CCDC148: variants seen among roughly 807,000 people sequenced by gnomAD.
CCDC148 encodes the protein coiled-coil domain-containing protein 148.
Under a neutral mutation model 85.7 loss-of-function variants are expected in CCDC148, and 89 were observed. The ratio of observed to expected loss-of-function variants is 1.04; its 90% CI spans 0.87 to 1.24. The LOEUF (loss-of-function observed/expected upper bound fraction) is 1.24, where lower values mean the gene tolerates loss of function less well. Ranked by LOEUF, CCDC148 falls within the 50% of genes most tolerant of loss-of-function variation. The probability of loss-of-function intolerance (pLI) is 0.00; values close to 1 mark genes in which losing one functional copy is unlikely to be tolerated. For synonymous variants in CCDC148, 230 were observed against 213.9 expected, an observed-to-expected ratio of 1.08 and a Z score of -0.66; for missense variants, 692 against 671.7, an observed-to-expected ratio of 1.03 and a Z score of -0.33.
Position 158,443,927 on chromosome 2 carries a change from C to G in CCDC148, c.25+12488G>C, listed in dbSNP as rs150913319. Among the ~76,000 whole-genome samples the G allele has an allele frequency of 4.4e-3, 666 of 152,230 alleles. 2 individuals carry two copies. The highest frequency in any genetic ancestry group is 7.3e-3 in the Non-Finnish European group (497 of 68,018). On this transcript the variant is annotated intron_variant, in intron 1 of 13. Coordinates refer to ENST00000283233, the MANE Select transcript of CCDC148 (RefSeq NM_138803.4). ...TTTATCAGCTTTTAAAACACAGAAG[C>G]CATAGTCAATAGGTTGCAATTCAAT...
At chr2:158,324,596 T>C (rs577415582) in intron 7 of CCDC148, among the ~76,000 whole-genome samples, 1 of 152,272 alleles carries the variant, frequency 6.6e-6, no homozygotes, top group South Asian at 2.1e-4. Context: ...TTAAAGATCA[T>C]ATCTAAAGAG....
chr2:158,339,126 A>G (rs1682542199), intron 5 of CCDC148, 41 bp from the exon 6 acceptor site: 2 of 1,281,290 alleles, frequency 1.6e-6, no homozygotes, highest in African/African-American at 1.5e-5. Flanking sequence ...AATTATTGCA[A>G]TTCATTCCAT....
At chr2:158,241,428 C>T (rs955891889) in intron 10 of CCDC148, among the ~76,000 whole-genome samples, 4 of 152,022 alleles carry the variant, frequency 2.6e-5, no homozygotes, top group African/African-American at 9.7e-5. Context: ...AATTGTATAT[C>T]AGTTTGTGGC....
chr2:158,177,430 G>A (rs981014264), intron 12 of CCDC148, among the ~76,000 whole-genome samples: 2 of 152,056 alleles, frequency 1.3e-5, no homozygotes, highest in Admixed American at 6.6e-5. Context: ...ATAACTGAGG[G>A]TTGAACATGC....
intron 7 of CCDC148, among the ~76,000 whole-genome samples, chr2:158,336,043 T>C (rs1348817226): frequency 6.6e-6 from 1 of 152,166 alleles, no homozygotes; most frequent in Non-Finnish European, 1.5e-5. Context: ...TCAACTTTCA[T>C]ATGGCATAGC....
At position 158,339,042 on chromosome 2, in the gene CCDC148, A is replaced by C. The variant is rs768238108; in HGVS notation, c.530T>G (p.Leu177Arg). The stretch of plus-strand genomic sequence containing the variant: ...TTCTATTCTCTGTTGCTCCAGCCTA[A>C]GTCTTTCAAAGACAGTTTTCAATTG... The part of the protein sequence containing the change: ...KKQLKTVFER[L>R]RLEQQRIEND... Residue 177 changes from leucine to arginine, a missense_variant, in exon 6 of 14, where the codon CTT (leucine) becomes CGT (arginine). Transcript: ENST00000283233. 1.2e-6 allele frequency: 2 copies of C among 1,613,950 alleles called. No individual in the cohort carries two copies. Among genetic ancestry groups the C allele is most frequent in the Non-Finnish European group, 1.7e-6 (2 of 1,179,882 alleles).
At chr2:158,186,099 T>C (rs1685142182) in intron 11 of CCDC148, among the ~76,000 whole-genome samples, 1 of 152,080 alleles carries the variant, frequency 6.6e-6, no homozygotes, top group African/African-American at 2.4e-5. Context: ...TGAGTTTTTC[T>C]GGCTCCTCAG....
At chr2:158,441,288 T>A (rs1449154358) in intron 1 of CCDC148, among the ~76,000 whole-genome samples, 1 of 152,154 alleles carries the variant, frequency 6.6e-6, no homozygotes. Context: ...GAATTTTTAT[T>A]TCTAGGGCTG....
intron 10 of CCDC148, among the ~76,000 whole-genome samples, chr2:158,237,127 T>C (rs1041822369): frequency 1.2e-4 from 19 of 152,130 alleles, no homozygotes; most frequent in African/African-American, 4.3e-4. Context: ...AGAGGACATA[T>C]GCTCGAGTGT....
intron 1 of CCDC148, among the ~76,000 whole-genome samples, chr2:158,419,426 A>C (rs1309170784): frequency 6.6e-6 from 1 of 152,178 alleles, no homozygotes; most frequent in African/African-American, 2.4e-5. Flanking sequence ...CCATGATAAA[A>C]CCAGGAATTA....
chr2:158,172,359 A>G, intron 13 of CCDC148, 100 bp from the exon 14 acceptor site: 1 of 861,556 alleles, frequency 1.2e-6, no homozygotes, highest in Non-Finnish European at 1.8e-6. Context: ...TTTTTACTGG[A>G]CAGATGACTA....
chr2:158,372,631 G>A (rs538588959), intron 1 of CCDC148, among the ~76,000 whole-genome samples: 1 of 151,788 alleles, frequency 6.6e-6, no homozygotes, highest in African/African-American at 2.4e-5. Context: ...ACAGCTGCAG[G>A]GTATTATATA....
intron 3 of CCDC148, among the ~76,000 whole-genome samples, chr2:158,342,822 A>G (rs1280896356): frequency 1.3e-5 from 2 of 152,206 alleles, no homozygotes; most frequent in Admixed American, 1.3e-4. Context: ...TACCAGAATG[A>G]AACGAGGGAG....
chr2:158,231,814 C>A (rs1017619812), intron 10 of CCDC148, among the ~76,000 whole-genome samples: 2 of 152,090 alleles, frequency 1.3e-5, no homozygotes, highest in Non-Finnish European at 2.9e-5. Flanking sequence ...GGGAACCGGG[C>A]CAACAGTTTT....
At chr2:158,319,615 A>G (rs565240243) in intron 7 of CCDC148, among the ~76,000 whole-genome samples, 13 of 152,354 alleles carry the variant, frequency 8.5e-5, no homozygotes, top group Non-Finnish European at 1.9e-4. Flanking sequence ...TTGTTAAATA[A>G]GAAATTCCTT....
chr2:158,339,281 C>T (rs938851348), intron 5 of CCDC148, among the ~76,000 whole-genome samples, 196 bp from the exon 6 acceptor site: 1 of 152,016 alleles, frequency 6.6e-6, no homozygotes, highest in Non-Finnish European at 1.5e-5. Context: ...CTAGACATCC[C>T]AAAAATAAGC....
At chr2:158,292,726 T>TG (rs1047211843) in intron 9 of CCDC148, among the ~76,000 whole-genome samples, 4 of 152,220 alleles carry the variant, frequency 2.6e-5, no homozygotes, top group Non-Finnish European at 5.9e-5. Flanking sequence ...GAATGAGCTC[T>TG]GGTGTTATGC....
At chr2:158,389,814 T>C (rs1242347967) in intron 1 of CCDC148, among the ~76,000 whole-genome samples, 1 of 152,212 alleles carries the variant, frequency 6.6e-6, no homozygotes, top group Non-Finnish European at 1.5e-5. Flanking sequence ...CTGCTCTAAA[T>C]TAGGCTTACA....
intron 1 of CCDC148, among the ~76,000 whole-genome samples, chr2:158,412,263 A>C (rs1465075102): frequency 6.6e-6 from 1 of 152,144 alleles, no homozygotes; most frequent in Non-Finnish European, 1.5e-5. Context: ...GCCTATCCCC[A>C]GTTGTTGTGC....
Sources: gnomAD v4.1 joint callset for allele counts (sites outside exome capture counted in the v4.1 genomes callset) on GRCh38, gnomAD v4.1.1 for gene constraint, MANE v1.5 for transcripts, NCBI Gene and HGNC (gene_info 2026-07-23, HGNC 2026-07-21) for gene names.